The following PKHD1L1 variants were observed in gnomAD, a reference collection of about 807,000 sequenced individuals.
PKHD1L1 encodes the protein fibrocystin-L.
PKHD1L1 carries 434 observed loss-of-function variants against 462.9 expected under a neutral mutation model. The ratio of observed to expected loss-of-function variants is 0.94; its 90% CI spans 0.87 to 1.02. The LOEUF (loss-of-function observed/expected upper bound fraction) is 1.02, where lower values mean the gene tolerates loss of function less well. Ranked by LOEUF, PKHD1L1 falls within the 50% of genes least tolerant of loss-of-function variation. PKHD1L1 has a pLI of 0.00. For missense variants in PKHD1L1, 5,202 were observed against 5,096.1 expected (o/e 1.02, Z -0.63); for synonymous variants, 1,781 against 1,750.0 (o/e 1.02, Z -0.44).
chr8:109,396,042 T>C lies in PKHD1L1; in HGVS notation c.827T>C (p.Phe276Ser). ...TTTCCCCCAGAGGTCACCATGATTT[T>C]CCCTTCACAAGGAAGCATTCGAGGT... ...FQTYAEVTMI[F>S]PSQGSIRGGT... Residue 276 changes from phenylalanine to serine, a missense_variant, in exon 11 of 78, where the codon TTC becomes TCC. Physicochemically the swap from Phe to Ser is radical, Grantham distance 155. This residue lies in a region of PKHD1L1 where 4,497 missense variants were observed against 4,336.8 expected (regional missense o/e 1.04). Transcript: ENST00000378402. The C allele has an allele frequency of 1.9e-6, 3 of 1,600,436 alleles. No individual in the cohort carries two copies. The highest frequency in any genetic ancestry group is 2.6e-6 in the Non-Finnish European group (3 of 1,173,348).
intron 73 of PKHD1L1, among the ~76,000 whole-genome samples, chr8:109,518,936 G>A (rs918924460): frequency 1.3e-5 from 2 of 152,148 alleles, no homozygotes; most frequent in East Asian, 3.9e-4. Flanking sequence ...GGAGTGGAAG[G>A]AGCCAGGAAG....
In PKHD1L1 at chr8:109,449,209, T is replaced by G. The variant is rs535044378; in HGVS notation, c.6026-129T>G. The G allele has an allele frequency of 1.8e-4, 160 of 874,486 alleles. 2 individuals are homozygous for G. In the South Asian group the frequency reaches 3.8e-3, roughly 21 times the overall value. 54.2% of individuals were successfully genotyped at this position (874,486 alleles called of 1,614,324 possible). On this transcript the variant is annotated intron_variant, in intron 39 of 77. Transcript: ENST00000378402. ...CATTAATAGAATAATGCACTATAAT[T>G]TCAGTTCTAAAAAACTCTTCATTTA...
At chr8:109,430,067 G>C (rs1332672167) in intron 27 of PKHD1L1, 30 bp downstream of exon 27, 2 of 1,407,724 alleles carry the variant, frequency 1.4e-6, no homozygotes, top group South Asian at 2.5e-5. Context: ...CCTATACTGG[G>C]TGTGAAAGAT....
At position 109,518,211 on chromosome 8, in the gene PKHD1L1, T is replaced by A; in HGVS notation, c.11734T>A (p.Tyr3912Asn). 6.2e-7 allele frequency: 1 copy of A among 1,609,378 alleles called. No homozygotes were observed. Reference protein sequence around the residue: ...NLDSTVLGENYFDGTYQMLYL... With the variant: ...NLDSTVLGENNFDGTYQMLYL... ...GGATTCCACTGTCCTTGGTGAAAAC[T>A]ACTTTGATGGAACCTACCAGATGCT... Residue 3912 changes from tyrosine to asparagine, a missense_variant, in exon 73 of 78, where the codon TAC becomes AAC. Tyr to Asn is a moderately radical substitution (Grantham distance 143). This residue lies in a region of PKHD1L1 where 698 missense variants were observed against 736.3 expected (regional missense o/e 0.95). Coordinates refer to ENST00000378402, the MANE Select transcript of PKHD1L1 (RefSeq NM_177531.6).
intron 72 of PKHD1L1, among the ~76,000 whole-genome samples, chr8:109,516,287 T>G (rs1820266357): frequency 6.6e-6 from 1 of 152,122 alleles, no homozygotes; most frequent in Non-Finnish European, 1.5e-5. Context: ...TTATTTTCTC[T>G]GGATCTCTGA....
intron 50 of PKHD1L1, among the ~76,000 whole-genome samples, chr8:109,471,302 G>A (rs1817703773): frequency 2.0e-5 from 3 of 152,050 alleles, no homozygotes; most frequent in Middle Eastern, 6.8e-3. Context: ...ATTTTAACTG[G>A]CATGTCATTT....
At chr8:109,524,837 T>C (rs61443777) in intron 76 of PKHD1L1, among the ~76,000 whole-genome samples, 2,015 of 124,914 alleles carry the variant, frequency 0.016, 27 homozygotes, top group Middle Eastern at 0.057. Context: ...CCCTCCCTCC[T>C]TCTGTCCTTC....
rs1817368829 is a variant in PKHD1L1, at chr8:109,465,152, T to C, written c.8320T>C (p.Phe2774Leu). 5.0e-6 allele frequency: 8 copies of C among 1,613,708 alleles called. No homozygotes were observed. The South Asian group carries it at 8.8e-5, about 18-fold the overall frequency. ...NDRCGGWSAK[F>L]VDVQYSHTPN... Reference sequence around the variant, plus strand: ...CAGATGTGGGGGTTGGAGTGCAAAGTTTGTTGACGTCCAGTATTCTCACAC... The same window carrying C: ...CAGATGTGGGGGTTGGAGTGCAAAGCTTGTTGACGTCCAGTATTCTCACAC... The change falls in exon 49 of 78, where the codon TTT becomes CTT. Residue 2774 changes from phenylalanine to leucine, a missense_variant. By Grantham distance (22) the Phe-to-Leu change is conservative. Around this residue, in one of 3 missense-constraint regions of PKHD1L1, gnomAD observed 4,497 missense variants for 4,336.8 expected, o/e 1.04. Coordinates refer to ENST00000378402, the MANE Select transcript of PKHD1L1 (RefSeq NM_177531.6).
chr8:109,415,864 G>GGGTGTGT (rs1412111334), intron 21 of PKHD1L1, among the ~76,000 whole-genome samples: 13 of 100,420 alleles, frequency 1.3e-4, no homozygotes, highest in African/African-American at 4.5e-4. Context: ...AAAAAAAAGG[G>GGGTGTGT]GTGTGTGTGT....
At position 109,444,713 on chromosome 8, in the gene PKHD1L1, T is replaced by C; in HGVS notation, c.4844T>C (p.Ile1615Thr). 6.2e-7 allele frequency: 1 copy of C among 1,613,884 alleles called. No homozygotes were observed. The highest frequency in any genetic ancestry group is 1.1e-5 in the South Asian group (1 of 91,086). Residue 1615 changes from isoleucine (I) to threonine (T), a missense_variant, in exon 38 of 78, where the codon ATT becomes ACT. This residue lies in a region of PKHD1L1 where 4,497 missense variants were observed against 4,336.8 expected (regional missense o/e 1.04). Coordinates refer to ENST00000378402, the MANE Select transcript of PKHD1L1 (RefSeq NM_177531.6). ...GTAGAAGAAAGTAGTGAGGATTCAA[T>C]TACATGTCATATTGACCCTCAAAAC... ...CVVEESSEDS[I>T]TCHIDPQNSM...
intron 67 of PKHD1L1, among the ~76,000 whole-genome samples, chr8:109,503,715 C>G (rs1313479789): frequency 6.6e-6 from 1 of 152,110 alleles, no homozygotes; most frequent in Non-Finnish European, 1.5e-5. Flanking sequence ...AACAAACAAC[C>G]CCCCAAATTT....
chr8:109,504,219 C>T (rs550418886), intron 67 of PKHD1L1, 108 bp from the exon 68 acceptor site: 3 of 653,652 alleles, frequency 4.6e-6, no homozygotes, highest in African/African-American at 3.8e-5. Flanking sequence ...GGCAAGAGCT[C>T]CATGTTTAAG....
In PKHD1L1 at chr8:109,532,307, C is replaced by A. The variant is rs868545941; in HGVS notation, c.*2217C>A. The stretch of plus-strand genomic sequence containing the variant: ...CTTCTGGCTGTCTGCTTTTTAAGAA[C>A]ATTCTAGAATTATCATAATAATTCC... On this transcript the variant is annotated 3_prime_UTR_variant, in exon 78 of 78. Transcript: ENST00000378402. 1.3e-5 allele frequency among the ~76,000 whole-genome samples: 2 copies of A among 152,154 alleles called. No individual in the cohort carries two copies. The highest frequency in any genetic ancestry group is 2.4e-5 in the African/African-American group (1 of 41,452).
chr8:109,362,462 T>TTCCCCAGCTC lies in PKHD1L1; in HGVS notation c.-114_-105dup. 1 of 1,027,002 alleles carries TTCCCCAGCTC rather than the reference T, an allele frequency of 9.7e-7. No individual in the cohort carries two copies. The highest frequency in any genetic ancestry group is 1.5e-5 in the South Asian group (1 of 68,066). 63.6% of individuals were successfully genotyped at this position (1,027,002 alleles called of 1,614,324 possible). ...GGCAGGCCACGGGAGGGCGGCCCAG[T>TTCCCCAGCTC]TCCCCAGCTCTCCCGGGACGAAGCG... On this transcript the variant is annotated 5_prime_UTR_variant, in exon 1 of 78. Transcript: ENST00000378402.
chr8:109,440,435 G>A (rs552387009), intron 32 of PKHD1L1, among the ~76,000 whole-genome samples: 2 of 152,056 alleles, frequency 1.3e-5, no homozygotes, highest in Admixed American at 1.3e-4. Context: ...GTTCTCATAA[G>A]CATATTTTTC....
chr8:109,492,225 G>A (rs1273877307), intron 62 of PKHD1L1, among the ~76,000 whole-genome samples: 1 of 151,118 alleles, frequency 6.6e-6, no homozygotes, highest in Non-Finnish European at 1.5e-5. Flanking sequence ...CCTCTTTGCT[G>A]CTGCTCGACT....
chr8:109,442,100 G>C lies in PKHD1L1; in HGVS notation c.4298G>C (p.Arg1433Thr). The C allele has an allele frequency of 6.2e-7, 1 of 1,613,518 alleles. No individual in the cohort carries two copies. Among genetic ancestry groups the C allele is most frequent in the African/African-American group, 1.3e-5 (1 of 75,020 alleles). The change falls in exon 35 of 78, where the codon AGA becomes ACA. Residue 1433 changes from arginine (R) to threonine (T), a missense_variant. Arg to Thr is a moderately conservative substitution (Grantham distance 71). Around this residue, in one of 3 missense-constraint regions of PKHD1L1, gnomAD observed 4,497 missense variants for 4,336.8 expected, o/e 1.04. Transcript: ENST00000378402. Reference protein sequence around the residue: ...AWHWQTHPFLRGIGYRIFSVS... With the variant: ...AWHWQTHPFLTGIGYRIFSVS... The stretch of plus-strand genomic sequence containing the variant: ...CATTGGCAAACACATCCGTTTCTTA[G>C]AGGGATAGGATATAGGATTTTTTCT...
At position 109,394,466 on chromosome 8, in the gene PKHD1L1, A is replaced by G. The variant is rs77730643; in HGVS notation, c.792A>G (p.Ala264=). 5.5e-4 allele frequency: 836 copies of G among 1,529,164 alleles called. 4 individuals carry two copies. The East Asian group carries it at 0.019, about 34-fold the overall frequency. The allele number at this position is 1,529,164 out of a possible 1,614,324, so 94.7% of individuals were successfully genotyped here. A position where few individuals can be genotyped will look rare whatever the true frequency, so the allele number is the denominator to read the frequency against. Residue 264 remains alanine, a synonymous_variant, in exon 10 of 78, where the codon GCA becomes GCG. Coordinates refer to ENST00000378402, the MANE Select transcript of PKHD1L1 (RefSeq NM_177531.6). ...AYFVSSLNKI[A]MFQTYAEVTM... ...TTGTTTCTTCTCTCAATAAAATTGC[A>G]ATGTTTCAAACATATGCAGGTATGT... is the stretch of plus-strand genomic sequence containing the variant.
At chr8:109,502,856 G>GT (rs1819494414) in intron 67 of PKHD1L1, among the ~76,000 whole-genome samples, 1 of 152,236 alleles carries the variant, frequency 6.6e-6, no homozygotes, top group African/African-American at 2.4e-5. Context: ...GAGCTGTGGA[G>GT]TATAAATTGT....
Sources: allele counts gnomAD v4.1 joint callset (sites outside exome capture counted in the v4.1 genomes callset), GRCh38; gene constraint gnomAD v4.1.1; regional missense constraint gnomAD v4.1.1; transcripts MANE v1.5; gene names NCBI Gene and HGNC (gene_info 2026-07-23, HGNC 2026-07-21).